Variants in RAD51AP2 observed in about 807,000 individuals in gnomAD.
The protein encoded by RAD51AP2 is RAD51 associated protein 2.
In RAD51AP2, 67 loss-of-function variants were observed where a neutral mutation model predicts 85.5. That is an observed-to-expected ratio of 0.78 (90% CI 0.64 to 0.96). The LOEUF (loss-of-function observed/expected upper bound fraction) is 0.96, where lower values mean the gene tolerates loss of function less well. Among genes scored for constraint, RAD51AP2 ranks in the 40% least tolerant of loss-of-function variants. The pLI is 0.00. For synonymous variants in RAD51AP2, 474 were observed against 446.5 expected (o/e 1.06, Z -0.78); for missense variants, 1,307 against 1,332.4 (o/e 0.98, Z 0.30).
the RAD51AP2 span, among the ~76,000 whole-genome samples, chr2:17,525,188 A>C: frequency 5.3e-4 from 80 of 152,012 alleles, no homozygotes; most frequent in Non-Finnish European, 1.1e-3. Flanking sequence ...CTAAATAGAC[A>C]TTATGATATA....
At chr2:17,525,160 T>C in the RAD51AP2 span, among the ~76,000 whole-genome samples, 1 of 151,950 alleles carries the variant, frequency 6.6e-6, no homozygotes, top group Admixed American at 6.6e-5. Flanking sequence ...CACTGAGCAA[T>C]ATTTTAAAAA....
At position 17,517,481 on chromosome 2, in the gene RAD51AP2, T is replaced by C. The variant is rs1406247044; in HGVS notation, c.935A>G (p.Asn312Ser). 2.5e-6 allele frequency: 4 copies of C among 1,613,912 alleles called. No individual in the cohort carries two copies. The African/African-American group carries it at 4.0e-5, about 16-fold the overall frequency. Residue 312 changes from asparagine (N) to serine (S), a missense_variant, in exon 1 of 3, where the codon AAT becomes AGT. This residue lies in a region of RAD51AP2 where 635 missense variants were observed against 643.6 expected (regional missense o/e 0.99). Coordinates refer to ENST00000399080, the MANE Select transcript of RAD51AP2 (RefSeq NM_001099218.3). ...TTCCGCTTCTACAGTTTTTTTATCA[T>C]TCTGTAACTTTTGCTTCTTAACATC... The part of the protein sequence containing the change: ...RPDVKKQKLQ[N>S]DKKTVEAENI...
At chr2:17,524,393 G>A in the RAD51AP2 span, among the ~76,000 whole-genome samples, 6 of 151,938 alleles carry the variant, frequency 3.9e-5, no homozygotes, top group Non-Finnish European at 7.4e-5. Flanking sequence ...AATAGGATAA[G>A]CGCTACAGTA....
chr2:17,526,135 A>C, the RAD51AP2 span, among the ~76,000 whole-genome samples: 1 of 151,978 alleles, frequency 6.6e-6, no homozygotes, highest in Non-Finnish European at 1.5e-5. Flanking sequence ...ATTTTAAGTT[A>C]ATATGCTCTA....
At chr2:17,528,325 T>C in the RAD51AP2 span, among the ~76,000 whole-genome samples, 1 of 152,338 alleles carries the variant, frequency 6.6e-6, no homozygotes, top group South Asian at 2.1e-4. Flanking sequence ...TTGGAACTAA[T>C]TTCACAAAAA....
At chr2:17,530,926 T>C in the RAD51AP2 span, among the ~76,000 whole-genome samples, 1 of 152,344 alleles carries the variant, frequency 6.6e-6, no homozygotes, top group South Asian at 2.1e-4. Flanking sequence ...AAGTTTCAAC[T>C]ACTTATTTTT....
the RAD51AP2 span, among the ~76,000 whole-genome samples, chr2:17,527,157 A>T: frequency 1.3e-5 from 2 of 152,110 alleles, no homozygotes; most frequent in African/African-American, 4.8e-5. Context: ...TCTTTACCTG[A>T]GTGGTGTGTT....
the RAD51AP2 span, among the ~76,000 whole-genome samples, chr2:17,533,184 T>G: frequency 6.6e-6 from 1 of 152,240 alleles, no homozygotes; most frequent in Non-Finnish European, 1.5e-5. Context: ...ACCAATTCTA[T>G]ATTTCTAGCA....
intron 2 of RAD51AP2, among the ~76,000 whole-genome samples, chr2:17,512,987 C>A (rs1414810488): frequency 6.6e-6 from 1 of 152,122 alleles, no homozygotes; most frequent in African/African-American, 2.4e-5. Flanking sequence ...TGATGCATGA[C>A]TTAAGATGTT....
chr2:17,526,583 A>C, the RAD51AP2 span, among the ~76,000 whole-genome samples: 128 of 152,260 alleles, frequency 8.4e-4, no homozygotes, highest in African/African-American at 2.9e-3. Flanking sequence ...TGAAGTACTA[A>C]TACGAGGTCA....
chr2:17,516,990 T>C lies in RAD51AP2; in HGVS notation c.1426A>G (p.Thr476Ala), dbSNP rs1487518736. 8 of 1,598,418 alleles carry C rather than the reference T, an allele frequency of 5.0e-6. No individual in the cohort carries two copies. Among genetic ancestry groups the C allele is most frequent in the Non-Finnish European group, 6.0e-6 (7 of 1,175,722 alleles). The change falls in exon 1 of 3, where the codon ACT becomes GCT. Residue 476 changes from threonine to alanine, a missense_variant. This residue lies in a region of RAD51AP2 where 635 missense variants were observed against 643.6 expected (regional missense o/e 0.99). Coordinates refer to ENST00000399080, the MANE Select transcript of RAD51AP2 (RefSeq NM_001099218.3). Reference sequence around the variant, plus strand: ...TCTCCTTTACCATTTAGCCAAACAGTCGTTATTAAAGCTGTCTGACTACCT... The same window carrying C: ...TCTCCTTTACCATTTAGCCAAACAGCCGTTATTAAAGCTGTCTGACTACCT... The part of the protein sequence containing the change: ...ILGSQTALIT[T>A]VWLNGKGEND...
At chr2:17,534,671 T>C in the RAD51AP2 span, among the ~76,000 whole-genome samples, 1 of 152,278 alleles carries the variant, frequency 6.6e-6, no homozygotes, top group African/African-American at 2.4e-5. Flanking sequence ...ATAAGAATAG[T>C]AAAATCATTT....
upstream of RAD51AP2, among the ~76,000 whole-genome samples, chr2:17,521,924 CTTG>C (rs1309025960): frequency 6.6e-6 from 1 of 151,884 alleles, no homozygotes; most frequent in African/African-American, 2.4e-5. Context: ...TTCATCAAAT[CTTG>C]TTGATTTTAC....
the RAD51AP2 span, among the ~76,000 whole-genome samples, chr2:17,524,525 C>A: frequency 6.6e-6 from 1 of 151,884 alleles, no homozygotes; most frequent in Non-Finnish European, 1.5e-5. Flanking sequence ...CATTTAATTC[C>A]TATAAGCCTA....
At chr2:17,534,480 G>T in the RAD51AP2 span, among the ~76,000 whole-genome samples, 2 of 152,104 alleles carry the variant, frequency 1.3e-5, no homozygotes, top group South Asian at 2.1e-4. Context: ...TTACTGGGTT[G>T]CCCCTACCTA....
At chr2:17,527,530 C>T in the RAD51AP2 span, among the ~76,000 whole-genome samples, 1 of 152,120 alleles carries the variant, frequency 6.6e-6, no homozygotes, top group Non-Finnish European at 1.5e-5. Flanking sequence ...GTTTAGAAGA[C>T]ATTGAAATAA....
At chr2:17,527,228 T>A in the RAD51AP2 span, among the ~76,000 whole-genome samples, 1 of 152,152 alleles carries the variant, frequency 6.6e-6, no homozygotes, top group Non-Finnish European at 1.5e-5. Flanking sequence ...TGTCTGTGTT[T>A]CCTATTTTTA....
chr2:17,512,250 C>A (rs1045275439), intron 2 of RAD51AP2, among the ~76,000 whole-genome samples: 1 of 152,142 alleles, frequency 6.6e-6, no homozygotes, highest in South Asian at 2.1e-4. Context: ...CTTTCTGATG[C>A]CTTTAAAATG....
At chr2:17,532,666 A>T in the RAD51AP2 span, among the ~76,000 whole-genome samples, 3,681 of 152,270 alleles carry the variant, frequency 0.024, 44 homozygotes, top group Middle Eastern at 0.054. Context: ...TCCTCCAAAA[A>T]TATCTACTAC....
Sources: allele counts gnomAD v4.1 joint callset (sites outside exome capture counted in the v4.1 genomes callset), GRCh38; gene constraint gnomAD v4.1.1; regional missense constraint gnomAD v4.1.1; transcripts MANE v1.5; gene names NCBI Gene and HGNC (gene_info 2026-07-23, HGNC 2026-07-21).